TTC34: variants seen among roughly 807,000 people sequenced by gnomAD.
TTC34 encodes the protein tetratricopeptide repeat protein 34.
Under a neutral mutation model 40.7 loss-of-function variants are expected in TTC34, and 44 were observed. The observed-to-expected ratio is 1.08, with a 90% CI of 0.85 to 1.39. The LOEUF (loss-of-function observed/expected upper bound fraction) is 1.39. TTC34 is among the 40% of genes most tolerant of loss of function. The probability of loss-of-function intolerance (pLI) is 0.00; values close to 1 mark genes in which losing one functional copy is unlikely to be tolerated. For synonymous variants in TTC34, 422 were observed against 398.6 expected, an observed-to-expected ratio of 1.06 and a Z score of -0.70; for missense variants, 884 against 838.0, an observed-to-expected ratio of 1.05 and a Z score of -0.68.
At chr1:2,698,727 A>C (rs1360301104) in intron 6 of TTC34, among the ~76,000 whole-genome samples, 1,021 of 33,720 alleles carry the variant, frequency 0.03, no homozygotes, top group East Asian at 0.034. Context: ...AGCACCAACA[A>C]CCCCAGGCTT....
exon 8 of TTC34, chr1:2,644,281 G>A (rs1168859131): frequency 3.3e-6 from 5 of 1,534,424 alleles, no homozygotes; most frequent in East Asian, 2.4e-5. Context: ...AGGCTCTGCC[G>A]CTCCGAGGCC....
At position 2,649,517 on chromosome 1, in the gene TTC34, C is replaced by T. The variant is rs140746911; in HGVS notation, c.2227-3954G>A. ...AGCATTTGACAGCCTGGAACAGCACCCTTCATGTTCAGGTGAGCATCTGAT... is the reference window on the plus strand; with the variant it reads ...AGCATTTGACAGCCTGGAACAGCACTCTTCATGTTCAGGTGAGCATCTGAT... On this transcript the variant is annotated intron_variant, in intron 6 of 8. Coordinates refer to ENST00000401095, the Ensembl canonical transcript of TTC34. Among the ~76,000 whole-genome samples, 627 of 151,438 alleles carry T rather than the reference C, an allele frequency of 4.1e-3. 3 individuals are homozygous for T. The highest frequency in any genetic ancestry group is 7.0e-3 in the Non-Finnish European group (475 of 67,776).
exon 9 of TTC34, chr1:2,641,175 G>A: frequency 6.6e-6 from 3 of 452,436 alleles, no homozygotes; most frequent in Non-Finnish European, 1.1e-5. Context: ...AAGGGGGGCT[G>A]TGGGGAGGGT....
At chr1:2,674,866 G>A (rs1348563400) in intron 6 of TTC34, among the ~76,000 whole-genome samples, 1 of 108,188 alleles carries the variant, frequency 9.2e-6, no homozygotes, top group Non-Finnish European at 2.2e-5. Context: ...GTAGAGTCTG[G>A]AGCAGCGCCC....
At chr1:2,690,136 C>CAA (rs1640549318) in intron 6 of TTC34, among the ~76,000 whole-genome samples, 1 of 145,076 alleles carries the variant, frequency 6.9e-6, no homozygotes, top group Non-Finnish European at 1.5e-5. Flanking sequence ...ACAGCACCCA[C>CAA]ACCCCAAGGT....
At chr1:2,651,910 G>C (rs976084682) in intron 6 of TTC34, among the ~76,000 whole-genome samples, 2 of 151,750 alleles carry the variant, frequency 1.3e-5, no homozygotes, top group African/African-American at 2.4e-5. Flanking sequence ...GAGAAACTAA[G>C]TTGGCACCCT....
At chr1:2,785,114 G>A (rs940562435) in intron 5 of TTC34, among the ~76,000 whole-genome samples, 9 of 152,198 alleles carry the variant, frequency 5.9e-5, no homozygotes, top group African/African-American at 1.9e-4. Flanking sequence ...ACCCGACATG[G>A]GCAACGCTGC....
At chr1:2,685,853 C>A (rs1265843599) in intron 6 of TTC34, among the ~76,000 whole-genome samples, 1 of 149,746 alleles carries the variant, frequency 6.7e-6, no homozygotes, top group Non-Finnish European at 1.5e-5. Context: ...AGGTGAGCCT[C>A]TGACAGCCTG....
chr1:2,771,798 C>T (rs563602562), intron 6 of TTC34, among the ~76,000 whole-genome samples: 1 of 114,870 alleles, frequency 8.7e-6, no homozygotes, highest in Admixed American at 7.9e-5. Context: ...GGAGCAGCAC[C>T]CACACCCCCA....
rs1643299439 is a variant in TTC34, at chr1:2,777,678, G to A, written c.2226+5931C>T. Reference sequence around the variant, plus strand: ...CCATGCCTCCTCTCAGGGTGAAGAGGCAGAGGGCATGGGGGGGGGGGCGCA... The same window carrying A: ...CCATGCCTCCTCTCAGGGTGAAGAGACAGAGGGCATGGGGGGGGGGGCGCA... On this transcript the variant is annotated intron_variant, in intron 6 of 8. Transcript: ENST00000401095. 3.7e-5 allele frequency among the ~76,000 whole-genome samples: 5 copies of A among 133,442 alleles called. No individual in the cohort carries two copies. The South Asian group carries it at 1.3e-3, about 36-fold the overall frequency. 87.5% of individuals were successfully genotyped at this position (133,442 alleles called of 152,430 possible).
intron 6 of TTC34, among the ~76,000 whole-genome samples, chr1:2,757,640 A>G (rs1391625914): frequency 7.0e-6 from 1 of 143,448 alleles, no homozygotes; most frequent in East Asian, 2.0e-4. Context: ...CCCCCAGGTG[A>G]GCATCCGACA....
At chr1:2,756,031 G>A (rs1391215828) in intron 6 of TTC34, among the ~76,000 whole-genome samples, 1 of 88,402 alleles carries the variant, frequency 1.1e-5, no homozygotes, top group Non-Finnish European at 2.0e-5. Flanking sequence ...ACACCCCCAG[G>A]CGAGCATCTG....
At chr1:2,775,832 C>T (rs1346418317) in intron 6 of TTC34, among the ~76,000 whole-genome samples, 3 of 145,120 alleles carry the variant, frequency 2.1e-5, no homozygotes, top group Non-Finnish European at 3.0e-5. Flanking sequence ...CAGTGCCCAC[C>T]CCTGGGTGAG....
intron 6 of TTC34, among the ~76,000 whole-genome samples, chr1:2,656,430 CTGA>C (rs1639350405): frequency 1.6e-5 from 1 of 63,110 alleles, no homozygotes. Context: ...AGGTGAGCAT[CTGA>C]CAGCCTGCAA....
At position 2,769,634 on chromosome 1, in the gene TTC34, C is replaced by T. The variant is rs527863793; in HGVS notation, c.2226+13975G>A. 8.9e-3 allele frequency among the ~76,000 whole-genome samples: 1,255 copies of T among 140,628 alleles called. 23 individuals carry two copies. Among genetic ancestry groups the T allele is most frequent in the African/African-American group, 0.033 (1,204 of 36,132 alleles). The allele number at this position is 140,628 out of a possible 152,430, so 92.3% of individuals were successfully genotyped here. ...CAGCCTGGAACAGCACCCACACCCC[C>T]AGGTGAGCATCTGACAGCCTGGAGC... On this transcript the variant is annotated intron_variant, in intron 6 of 8. Transcript: ENST00000401095.
At chr1:2,751,560 A>ACCC (rs1404380500) in intron 6 of TTC34, among the ~76,000 whole-genome samples, 1 of 95,512 alleles carries the variant, frequency 1.0e-5, no homozygotes, top group Admixed American at 1.2e-4. Flanking sequence ...CTGCAACAGC[A>ACCC]CGCACACCCC....
intron 6 of TTC34, among the ~76,000 whole-genome samples, chr1:2,750,720 C>T (rs1350949800): frequency 1.0e-4 from 5 of 48,070 alleles, no homozygotes; most frequent in Admixed American, 2.2e-4. Flanking sequence ...TGGAGCAGCA[C>T]CCACACCCCC....
rs918747866 is a variant in TTC34, at chr1:2,699,828, C to T, written c.2227-54265G>A. Among the ~76,000 whole-genome samples the T allele has an allele frequency of 2.8e-4, 11 of 39,988 alleles. 1 individual carries two copies. Among genetic ancestry groups the T allele is most frequent in the East Asian group, 1.9e-3 (2 of 1,046 alleles). The allele number at this position is 39,988 out of a possible 152,430, so 26.2% of individuals were successfully genotyped here. ...TCACATACTCCCCCAGGTGAGCATCCGACAGCCTGGAGCAGCGCCCACACC... is the reference window on the plus strand; with the variant it reads ...TCACATACTCCCCCAGGTGAGCATCTGACAGCCTGGAGCAGCGCCCACACC... On this transcript the variant is annotated intron_variant, in intron 6 of 8. Coordinates refer to ENST00000401095, the Ensembl canonical transcript of TTC34.
intron 6 of TTC34, among the ~76,000 whole-genome samples, chr1:2,761,245 C>A (rs1296440641): frequency 1.6e-5 from 1 of 61,138 alleles, no homozygotes; most frequent in Non-Finnish European, 2.8e-5. Context: ...CACCCACACC[C>A]CCAGGTGAGC....
Sources: allele counts gnomAD v4.1 joint callset (sites outside exome capture counted in the v4.1 genomes callset), GRCh38; gene constraint gnomAD v4.1.1; transcripts MANE v1.5; gene names NCBI Gene and HGNC (gene_info 2026-07-23, HGNC 2026-07-21).